USH2A: variants seen among roughly 807,000 people sequenced by gnomAD.
The protein encoded by USH2A is Usher syndrome 2A (autosomal recessive, mild).
A neutral mutation model predicts 538.9 loss-of-function variants in USH2A; 443 were observed. The observed-to-expected ratio is 0.82, with a 90% CI of 0.76 to 0.89. The LOEUF (loss-of-function observed/expected upper bound fraction) is 0.89, where lower values mean the gene tolerates loss of function less well. Ranked by LOEUF, USH2A falls within the 40% of genes least tolerant of loss-of-function variation. USH2A has a pLI of 0.00. For missense variants in USH2A, 6,633 were observed against 6,324.8 expected (o/e 1.05, Z -1.65); for synonymous variants, 2,413 against 2,273.5 (o/e 1.06, Z -1.75).
At chr1:216,049,281 A>T (rs1379064862) in intron 30 of USH2A, among the ~76,000 whole-genome samples, 1 of 152,162 alleles carries the variant, frequency 6.6e-6, no homozygotes, top group Non-Finnish European at 1.5e-5. Context: ...TAATTAAGAC[A>T]CCTGTCTTAA....
chr1:216,224,328 A>G (rs2035520476), intron 14 of USH2A, among the ~76,000 whole-genome samples: 1 of 152,116 alleles, frequency 6.6e-6, no homozygotes, highest in Non-Finnish European at 1.5e-5. Flanking sequence ...TGAATTAAAT[A>G]TGGCCCATTT....
intron 27 of USH2A, among the ~76,000 whole-genome samples, chr1:216,076,877 A>C (rs1020581603): frequency 6.6e-6 from 1 of 152,182 alleles, no homozygotes; most frequent in Non-Finnish European, 1.5e-5. Context: ...CCTTTTTCAC[A>C]CGTGGGAGGG....
chr1:216,068,642 CAG>C (rs2031458026), intron 30 of USH2A, among the ~76,000 whole-genome samples: 1 of 151,934 alleles, frequency 6.6e-6, no homozygotes, highest in Admixed American at 6.6e-5. Context: ...TCTGAAGAAA[CAG>C]AAAGAGTCAG....
At chr1:216,340,106 AAAG>A (rs1249934508) in intron 4 of USH2A, among the ~76,000 whole-genome samples, 2 of 152,042 alleles carry the variant, frequency 1.3e-5, no homozygotes, top group African/African-American at 4.8e-5. Context: ...CTAGACTAAT[AAAG>A]AAGAAAAGAG....
At chr1:216,263,035 G>T (rs771492579) in intron 11 of USH2A, among the ~76,000 whole-genome samples, 1 of 151,988 alleles carries the variant, frequency 6.6e-6, no homozygotes, top group African/African-American at 2.4e-5. Flanking sequence ...TAGAAGAAAT[G>T]GATAAATTTG....
At chr1:215,732,439 T>C (rs2102717381) in intron 60 of USH2A, among the ~76,000 whole-genome samples, 1 of 152,164 alleles carries the variant, frequency 6.6e-6, no homozygotes, top group East Asian at 1.9e-4. Flanking sequence ...TGCTTGACTA[T>C]AGTTTCTTAT....
chr1:215,900,359 T>C, intron 39 of USH2A, 142 bp from the exon 40 acceptor site: 3 of 941,250 alleles, frequency 3.2e-6, no homozygotes, highest in Non-Finnish European at 4.9e-6. Context: ...ATGAGATCTC[T>C]TTTAAAATAA....
chr1:215,682,151 C>A (rs1338452420), intron 61 of USH2A, among the ~76,000 whole-genome samples: 1 of 151,958 alleles, frequency 6.6e-6, no homozygotes, highest in African/African-American at 2.4e-5. Context: ...CAAACATGGG[C>A]AAGATTAATA....
chr1:216,377,656 C>T (rs1215208440), intron 3 of USH2A, among the ~76,000 whole-genome samples: 4 of 143,860 alleles, frequency 2.8e-5, no homozygotes, highest in Non-Finnish European at 6.0e-5. Flanking sequence ...CATGTTACCC[C>T]AGGTAAGCAG....
intron 48 of USH2A, among the ~76,000 whole-genome samples, chr1:215,815,458 A>T (rs942070604): frequency 1.4e-4 from 21 of 150,934 alleles, no homozygotes; most frequent in African/African-American, 4.6e-4. Flanking sequence ...AAATTGATTT[A>T]AAATTAAACT....
intron 22 of USH2A, among the ~76,000 whole-genome samples, chr1:216,093,526 C>T (rs1026717581): frequency 1.3e-5 from 2 of 152,246 alleles, no homozygotes. Flanking sequence ...CTAGACCTGC[C>T]AGATGAGTTT....
chr1:215,668,763 G>A (rs1657710948), intron 64 of USH2A, among the ~76,000 whole-genome samples: 1 of 152,212 alleles, frequency 6.6e-6, no homozygotes, highest in African/African-American at 2.4e-5. Flanking sequence ...TGGCATGGTG[G>A]CTCATGCCTG....
intron 63 of USH2A, among the ~76,000 whole-genome samples, chr1:215,673,882 C>T (rs1657903160): frequency 6.6e-6 from 1 of 152,116 alleles, no homozygotes; most frequent in South Asian, 2.1e-4. Context: ...CACTGACTCT[C>T]AAAACATCAC....
At chr1:216,052,882 A>T (rs990125169) in intron 30 of USH2A, among the ~76,000 whole-genome samples, 20 of 152,190 alleles carry the variant, frequency 1.3e-4, no homozygotes, top group African/African-American at 4.8e-4. Flanking sequence ...TAGATTGTGG[A>T]TATATCCTTT....
At chr1:216,417,501 G>A (rs2039597733) in intron 3 of USH2A, among the ~76,000 whole-genome samples, 1 of 152,170 alleles carries the variant, frequency 6.6e-6, no homozygotes, top group East Asian at 1.9e-4. Flanking sequence ...CTGATGGGAG[G>A]TTATTGGAAC....
intron 45 of USH2A, 71 bp downstream of exon 45, chr1:215,845,753 T>C: frequency 1.3e-6 from 2 of 1,535,062 alleles, no homozygotes; most frequent in Non-Finnish European, 1.8e-6. Context: ...ATGACTGATC[T>C]CAACCCCGGC....
chr1:216,136,142 G>A (rs1269565712), intron 21 of USH2A, among the ~76,000 whole-genome samples: 1 of 152,028 alleles, frequency 6.6e-6, no homozygotes, highest in Admixed American at 6.6e-5. Flanking sequence ...TACTGTAAAT[G>A]TACCCAAACC....
In USH2A at chr1:215,974,667, T is replaced by C. The variant is rs1313416294; in HGVS notation, c.6806-3891A>G. Reference sequence around the variant, plus strand: ...ATAGATGTTGCTGCAAAAGACATGATTTCAGGGTTTTTTCTGTGGTTGTAT... The same window carrying C: ...ATAGATGTTGCTGCAAAAGACATGACTTCAGGGTTTTTTCTGTGGTTGTAT... On this transcript the variant is annotated intron_variant, in intron 35 of 71. Coordinates refer to ENST00000307340, the MANE Select transcript of USH2A (RefSeq NM_206933.4). Among the ~76,000 whole-genome samples, 40 of 152,150 alleles carry C rather than the reference T, an allele frequency of 2.6e-4. 1 individual carries two copies. Among genetic ancestry groups the C allele is most frequent in the Non-Finnish European group, 8.8e-5 (6 of 68,018 alleles).
intron 21 of USH2A, among the ~76,000 whole-genome samples, chr1:216,143,086 T>A: frequency 6.6e-6 from 1 of 152,286 alleles, no homozygotes; most frequent in Non-Finnish European, 1.5e-5. Flanking sequence ...CCTTCATCAT[T>A]TTTTTGTTGC....
Sources: allele counts gnomAD v4.1 joint callset (sites outside exome capture counted in the v4.1 genomes callset), GRCh38; gene constraint gnomAD v4.1.1; transcripts MANE v1.5; gene names NCBI Gene and HGNC (gene_info 2026-07-23, HGNC 2026-07-21).